Variants in ZNF385B observed in about 807,000 individuals in gnomAD.
The protein encoded by ZNF385B is zinc finger protein 385B, also known as zinc finger protein 533.
ZNF385B carries 23 observed loss-of-function variants against 39.2 expected under a neutral mutation model. The observed-to-expected ratio is 0.59, with a 90% CI of 0.42 to 0.83. The LOEUF (loss-of-function observed/expected upper bound fraction) is 0.83. Ranked by LOEUF, ZNF385B falls within the 40% of genes least tolerant of loss-of-function variation. ZNF385B has a pLI of 0.00. For missense variants in ZNF385B, 552 were observed against 598.9 expected, an observed-to-expected ratio of 0.92 and a Z score of 0.82; for synonymous variants, 205 against 222.6, an observed-to-expected ratio of 0.92 and a Z score of 0.70.
chr2:179,800,141 T>C (rs1021211340), intron 1 of ZNF385B, among the ~76,000 whole-genome samples: 2 of 152,076 alleles, frequency 1.3e-5, no homozygotes, highest in African/African-American at 4.8e-5. Context: ...TGAAAATTCA[T>C]CTCCAAAGCT....
rs778991756 is a variant in ZNF385B, at chr2:179,518,521, TACTC to T, written c.552+3_552+6del. On this transcript the variant is annotated splice_donor_5th_base_variant and intron_variant, in intron 5 of 9. Transcript: ENST00000410066. ...ACTACAGAGAATAATGAAAAGGTGA[TACTC>T]ACATCTGAGTTAAAGCGAAGCTGAC... 7.0e-6 allele frequency: 11 copies of T among 1,564,218 alleles called. No homozygotes were observed. The highest frequency in any genetic ancestry group is 7.0e-6 in the Non-Finnish European group (8 of 1,145,332).
chr2:179,450,559 C>G (rs1377402428), intron 6 of ZNF385B, among the ~76,000 whole-genome samples: 1 of 152,174 alleles, frequency 6.6e-6, no homozygotes, highest in Non-Finnish European at 1.5e-5. Context: ...GATACCATCT[C>G]ACACCAGTTA....
At chr2:179,735,167 A>G (rs1701661336) in intron 3 of ZNF385B, among the ~76,000 whole-genome samples, 1 of 152,106 alleles carries the variant, frequency 6.6e-6, no homozygotes, top group South Asian at 2.1e-4. Flanking sequence ...TCTACAATGA[A>G]CTCAAACAAA....
chr2:179,752,610 T>C (rs58884412), intron 3 of ZNF385B, among the ~76,000 whole-genome samples: 17,777 of 152,212 alleles, frequency 0.12, 1,290 homozygotes, highest in Non-Finnish European at 0.16. Context: ...TTTCCTGACT[T>C]TTTAATGATC....
At chr2:179,697,317 G>A (rs540583258) in intron 3 of ZNF385B, among the ~76,000 whole-genome samples, 4 of 152,270 alleles carry the variant, frequency 2.6e-5, no homozygotes, top group Admixed American at 1.3e-4. Context: ...TATGCGGGCT[G>A]TCTCCCCACT....
intron 3 of ZNF385B, among the ~76,000 whole-genome samples, chr2:179,741,843 G>C (rs12693206): frequency 6.6e-6 from 1 of 151,996 alleles, no homozygotes; most frequent in Admixed American, 6.6e-5. Context: ...TCTGCCTCTC[G>C]GAGAAATCTA....
At chr2:179,684,427 C>G (rs1249842300) in intron 3 of ZNF385B, among the ~76,000 whole-genome samples, 1 of 152,184 alleles carries the variant, frequency 6.6e-6, no homozygotes, top group African/African-American at 2.4e-5. Context: ...CCTAAACTCA[C>G]CTTCTAAACT....
intron 3 of ZNF385B, among the ~76,000 whole-genome samples, chr2:179,584,716 T>A (rs573392821): frequency 6.6e-6 from 1 of 152,214 alleles, no homozygotes; most frequent in East Asian, 1.9e-4. Context: ...TATGTTGAAT[T>A]TGAGTTGCCT....
intron 3 of ZNF385B, among the ~76,000 whole-genome samples, chr2:179,702,752 T>C (rs1699303451): frequency 1.3e-5 from 2 of 152,194 alleles, no homozygotes; most frequent in Non-Finnish European, 2.9e-5. Context: ...TTAAGATTGG[T>C]TAAGTATGAG....
chr2:179,649,399 T>C (rs1323137140), intron 3 of ZNF385B, among the ~76,000 whole-genome samples: 5 of 152,202 alleles, frequency 3.3e-5, no homozygotes, highest in Non-Finnish European at 7.3e-5. Flanking sequence ...GTTTTAGTAG[T>C]TGTATAGGAG....
chr2:179,533,645 T>G (rs548098177), intron 4 of ZNF385B, among the ~76,000 whole-genome samples: 1 of 152,216 alleles, frequency 6.6e-6, no homozygotes, highest in South Asian at 2.1e-4. Context: ...AAGGGAGATG[T>G]GTAAGAGTCA....
chr2:179,824,997 T>C (rs1026032603), intron 1 of ZNF385B, among the ~76,000 whole-genome samples: 5 of 152,192 alleles, frequency 3.3e-5, no homozygotes, highest in African/African-American at 1.2e-4. Flanking sequence ...AAAGAAATAG[T>C]TCAATTTATC....
rs1559218907 is a variant in ZNF385B, at chr2:179,443,055, A to G, written c.*195T>C. Reference sequence around the variant, plus strand: ...ATAAAGCCTATGCTGCTGATTCCTCAATTATAGGAGCAGTCTCTAAAAGCC... The same window carrying G: ...ATAAAGCCTATGCTGCTGATTCCTCGATTATAGGAGCAGTCTCTAAAAGCC... On this transcript the variant is annotated 3_prime_UTR_variant, in exon 10 of 10. Coordinates refer to ENST00000410066, the MANE Select transcript of ZNF385B (RefSeq NM_152520.6). 3.0e-6 allele frequency: 2 copies of G among 667,478 alleles called. No homozygotes were observed. 41.3% of individuals were successfully genotyped at this position (667,478 alleles called of 1,614,324 possible). A position where few individuals can be genotyped will look rare whatever the true frequency, so the allele number is the denominator to read the frequency against.
intron 1 of ZNF385B, among the ~76,000 whole-genome samples, chr2:179,827,175 GAGA>G (rs889002507): frequency 1.3e-5 from 2 of 152,222 alleles, no homozygotes; most frequent in Non-Finnish European, 2.9e-5. Flanking sequence ...GCATGCAGGG[GAGA>G]AGGAGCAGCT....
At chr2:179,614,319 A>G (rs1689550872) in intron 3 of ZNF385B, among the ~76,000 whole-genome samples, 1 of 150,400 alleles carries the variant, frequency 6.6e-6, no homozygotes, top group Non-Finnish European at 1.5e-5. Flanking sequence ...TTTTTTTCTC[A>G]CTGTTCTATC....
rs758457846 is a variant in ZNF385B at position 179,642,860 on chromosome 2, C to T, written c.299-97891G>A. ...CATTAAATCTCAACCCTTCAGTAAA[C>T]CTATTTTGAATATTCTGTGTGGCAA... is the stretch of plus-strand genomic sequence containing the variant. On this transcript the variant is annotated intron_variant, in intron 3 of 9. Transcript: ENST00000410066. Among the ~76,000 whole-genome samples the T allele has an allele frequency of 2.0e-5, 3 of 152,134 alleles. No homozygotes were observed. The South Asian group carries it at 6.2e-4, about 31-fold the overall frequency.
intron 3 of ZNF385B, among the ~76,000 whole-genome samples, chr2:179,658,461 T>C (rs967217616): frequency 4.6e-5 from 7 of 152,190 alleles, no homozygotes; most frequent in African/African-American, 1.7e-4. Flanking sequence ...AGTAAAACTT[T>C]AAGAAATCAT....
chr2:179,747,945 C>T (rs376695418), intron 3 of ZNF385B, among the ~76,000 whole-genome samples: 27 of 152,202 alleles, frequency 1.8e-4, no homozygotes, highest in African/African-American at 5.1e-4. Context: ...GTTCATGTCA[C>T]GTTTTCCCAT....
intron 3 of ZNF385B, among the ~76,000 whole-genome samples, chr2:179,679,923 C>T (rs544012856): frequency 1.6e-4 from 24 of 152,294 alleles, no homozygotes; most frequent in Non-Finnish European, 2.5e-4. Context: ...TTGAAACTCA[C>T]GACTTTAAAG....
Sources: gnomAD v4.1 joint callset for allele counts (sites outside exome capture counted in the v4.1 genomes callset) on GRCh38, gnomAD v4.1.1 for gene constraint, MANE v1.5 for transcripts, NCBI Gene and HGNC (gene_info 2026-07-23, HGNC 2026-07-21) for gene names.